RNF220: variants seen among roughly 807,000 people sequenced by gnomAD.
RNF220 encodes the protein ring finger protein 220.
RNF220 carries 7 observed loss-of-function variants against 67.1 expected under a neutral mutation model. The observed-to-expected ratio is 0.10, with a 90% confidence interval of 0.06 to 0.20. The LOEUF is 0.20. Among genes scored for constraint, RNF220 ranks in the 10% least tolerant of loss-of-function variants. RNF220 has a pLI of 1.00. For missense variants in RNF220, 565 were observed against 740.3 expected, an observed-to-expected ratio of 0.76 and a Z score of 2.75; for synonymous variants, 270 against 283.2, an observed-to-expected ratio of 0.95 and a Z score of 0.47.
intron 2 of RNF220, among the ~76,000 whole-genome samples, chr1:44,580,821 C>T (rs1039170421): frequency 6.6e-6 from 1 of 152,216 alleles, no homozygotes; most frequent in South Asian, 2.1e-4. Context: ...GGTTGTGTGT[C>T]CCTCCTTCCC....
intron 2 of RNF220, among the ~76,000 whole-genome samples, chr1:44,488,793 C>T (rs1184483268): frequency 2.3e-5 from 3 of 128,734 alleles, no homozygotes; most frequent in Non-Finnish European, 4.6e-5. Context: ...TGCAGTGGTG[C>T]TATCGGGCTC....
At chr1:44,455,528 G>A (rs1653090353) in intron 2 of RNF220, among the ~76,000 whole-genome samples, 1 of 152,102 alleles carries the variant, frequency 6.6e-6, no homozygotes, top group South Asian at 2.1e-4. Context: ...AAATGTGGTA[G>A]GGATTTAATA....
intron 2 of RNF220, among the ~76,000 whole-genome samples, chr1:44,444,543 C>T (rs1052269817): frequency 3.9e-5 from 6 of 152,130 alleles, no homozygotes; most frequent in Non-Finnish European, 8.8e-5. Context: ...CAGGCTCAAG[C>T]GATCCTTTGT....
intron 2 of RNF220, among the ~76,000 whole-genome samples, chr1:44,548,836 C>G (rs941289353): frequency 6.6e-6 from 1 of 152,188 alleles, no homozygotes; most frequent in African/African-American, 2.4e-5. Flanking sequence ...TCCCTAACCC[C>G]TCCAAACATA....
At chr1:44,472,521 C>T (rs145198714) in intron 2 of RNF220, among the ~76,000 whole-genome samples, 2 of 152,212 alleles carry the variant, frequency 1.3e-5, no homozygotes, top group East Asian at 1.9e-4. Flanking sequence ...ATTTTGGGGC[C>T]GTTTGTGTAT....
chr1:44,501,521 C>CA (rs200885392), intron 2 of RNF220, among the ~76,000 whole-genome samples: 3,831 of 152,116 alleles, frequency 0.025, 146 homozygotes, highest in African/African-American at 0.088. Flanking sequence ...TGGAGGAAGG[C>CA]TGGGCAGAGA....
At chr1:44,431,341 G>A (rs1650346647) in intron 2 of RNF220, among the ~76,000 whole-genome samples, 1 of 151,742 alleles carries the variant, frequency 6.6e-6, no homozygotes, top group African/African-American at 2.4e-5. Context: ...AATACAAAAA[G>A]GTAGCCAGGT....
At position 44,626,515 on chromosome 1, in the gene RNF220, G is replaced by A. The variant is rs1033471484; in HGVS notation, c.906+117G>A. On this transcript the variant is annotated intron_variant, in intron 5 of 14. Transcript: ENST00000361799. ...TAGGCCACAGGAGAGGCCTGAACTGGGTTTGGTTCCCCCTGTGTCCCGTGC... is the reference window on the plus strand; with the variant it reads ...TAGGCCACAGGAGAGGCCTGAACTGAGTTTGGTTCCCCCTGTGTCCCGTGC... 5.0e-6 allele frequency: 4 copies of A among 792,110 alleles called. No homozygotes were observed. The African/African-American group carries it at 6.8e-5, about 13-fold the overall frequency. The allele number at this position is 792,110 out of a possible 1,614,324, so 49.1% of individuals were successfully genotyped here.
At position 44,449,890 on chromosome 1, in the gene RNF220, C is replaced by T. The variant is rs1000263575; in HGVS notation, c.625+37168C>T. Among the ~76,000 whole-genome samples, 5 of 152,130 alleles carry T rather than the reference C, an allele frequency of 3.3e-5. No individual in the cohort carries two copies. In the South Asian group the frequency reaches 6.2e-4, roughly 19 times the overall value. On this transcript the variant is annotated intron_variant, in intron 2 of 14. Coordinates refer to ENST00000361799, the MANE Select transcript of RNF220 (RefSeq NM_018150.4). ...TGCAGACTTCAGATGATCCACGTAA[C>T]GGAGATACAGAAAGTATGTTTAAAA...
chr1:44,595,864 C>T (rs918019884), intron 2 of RNF220, among the ~76,000 whole-genome samples: 1 of 151,978 alleles, frequency 6.6e-6, no homozygotes, highest in Non-Finnish European at 1.5e-5. Context: ...CCCGGGTTCA[C>T]GCCATCCTCC....
chr1:44,504,154 C>T (rs145719004), intron 2 of RNF220, among the ~76,000 whole-genome samples: 3 of 152,258 alleles, frequency 2.0e-5, no homozygotes, highest in East Asian at 3.9e-4. Flanking sequence ...GGCCGCCATC[C>T]GTGTTTTAAC....
At chr1:44,536,618 C>T (rs1042836877) in intron 2 of RNF220, among the ~76,000 whole-genome samples, 2 of 152,154 alleles carry the variant, frequency 1.3e-5, no homozygotes, top group Non-Finnish European at 2.9e-5. Flanking sequence ...CTCTTTGCTT[C>T]ACTCTCATGA....
chr1:44,578,659 T>C (rs1014530242), intron 2 of RNF220, among the ~76,000 whole-genome samples: 1 of 152,150 alleles, frequency 6.6e-6, no homozygotes, highest in Non-Finnish European at 1.5e-5. Context: ...TGGAGGACAA[T>C]GTCCAGTTTG....
intron 2 of RNF220, among the ~76,000 whole-genome samples, chr1:44,598,270 T>C (rs1051564323): frequency 6.6e-6 from 1 of 152,182 alleles, no homozygotes; most frequent in African/African-American, 2.4e-5. Context: ...CAGCAGGAGC[T>C]GCAAGCGAGC....
At chr1:44,432,872 T>C (rs2147871993) in intron 2 of RNF220, among the ~76,000 whole-genome samples, 1 of 151,320 alleles carries the variant, frequency 6.6e-6, no homozygotes, top group East Asian at 1.9e-4. Flanking sequence ...TGAGTTTTGG[T>C]ATGTATGTAA....
intron 3 of RNF220, among the ~76,000 whole-genome samples, chr1:44,615,399 C>T (rs759387365): frequency 2.8e-4 from 42 of 151,978 alleles, no homozygotes; most frequent in Non-Finnish European, 5.3e-4. Flanking sequence ...ATTGTAGAAA[C>T]GTATGTGGGA....
At chr1:44,514,578 C>T (rs1659305790) in intron 2 of RNF220, among the ~76,000 whole-genome samples, 2 of 152,220 alleles carry the variant, frequency 1.3e-5, no homozygotes, top group Non-Finnish European at 2.9e-5. Context: ...AAACGATCTC[C>T]TCTTCCGGCC....
intron 2 of RNF220, among the ~76,000 whole-genome samples, chr1:44,507,609 A>G (rs1190426027): frequency 6.6e-6 from 1 of 152,040 alleles, no homozygotes; most frequent in Non-Finnish European, 1.5e-5. Flanking sequence ...TTAGGGGGCA[A>G]CAAGTAGCGG....
At chr1:44,406,386 C>G (rs1647334189) in intron 1 of RNF220, among the ~76,000 whole-genome samples, 1 of 152,224 alleles carries the variant, frequency 6.6e-6, no homozygotes, top group African/African-American at 2.4e-5. Flanking sequence ...CGTGGGATCT[C>G]CCGGGATTTT....
Sources: allele counts gnomAD v4.1 joint callset (sites outside exome capture counted in the v4.1 genomes callset), GRCh38; gene constraint gnomAD v4.1.1; transcripts MANE v1.5; gene names NCBI Gene and HGNC (gene_info 2026-07-23, HGNC 2026-07-21).